The following LHPP variants were observed in gnomAD, a reference collection of about 807,000 sequenced individuals.
LHPP encodes hLHPP.
Under a neutral mutation model 30.3 loss-of-function variants are expected in LHPP, and 24 were observed. That is an observed-to-expected ratio of 0.79 (90% CI 0.57 to 1.11). The LOEUF (loss-of-function observed/expected upper bound fraction) is 1.11. Among genes scored for constraint, LHPP ranks in the 50% most tolerant of loss-of-function variants. LHPP has a pLI of 0.00. For missense variants in LHPP, 356 were observed against 367.2 expected, an observed-to-expected ratio of 0.97 and a Z score of 0.25; for synonymous variants, 150 against 157.1, an observed-to-expected ratio of 0.95 and a Z score of 0.34.
At chr10:124,487,908 G>A (rs1387257669) in intron 2 of LHPP, among the ~76,000 whole-genome samples, 1 of 152,224 alleles carries the variant, frequency 6.6e-6, no homozygotes, top group Admixed American at 6.5e-5. Context: ...AGGAGGAAGA[G>A]AGTTTCCTAA....
chr10:124,505,518 C>G (rs1380652421), intron 5 of LHPP, among the ~76,000 whole-genome samples: 1 of 152,174 alleles, frequency 6.6e-6, no homozygotes, highest in African/African-American at 2.4e-5. Context: ...TCATTTTAAC[C>G]TTTCCTCAGT....
rs1954667762 is a variant in LHPP, at chr10:124,523,852, T to C, written c.716+6581T>C. ...CAGGGAAGGGCACCGGGAACAGGCC[T>C]GTGGAAAAATCCACTGTGCAATGAG... On this transcript the variant is annotated intron_variant, in intron 6 of 6. Transcript: ENST00000368842. The surrounding 1 kb of genome is among the most constrained non-coding windows in gnomAD (Gnocchi z 4.2). Among the ~76,000 whole-genome samples, 1 of 152,180 alleles carries C rather than the reference T, an allele frequency of 6.6e-6. No homozygotes were observed. The highest frequency in any genetic ancestry group is 1.5e-5 in the Non-Finnish European group (1 of 68,026).
At chr10:124,545,848 G>T (rs561877468) in intron 6 of LHPP, 2 of 152,362 alleles carry the variant, frequency 1.3e-5, no homozygotes, top group South Asian at 4.1e-4. Flanking sequence ...GGGAAGTTCA[G>T]TTGGGGGGAA....
chr10:124,489,467 T>C (rs1564784005), intron 3 of LHPP, among the ~76,000 whole-genome samples: 1 of 152,192 alleles, frequency 6.6e-6, no homozygotes, highest in Non-Finnish European at 1.5e-5. Context: ...TATATATATA[T>C]TTTTTAAGAC....
At chr10:124,490,564 C>G (rs890364834) in intron 3 of LHPP, 1 of 319,900 alleles carries the variant, frequency 3.1e-6, no homozygotes, top group South Asian at 3.1e-5. Flanking sequence ...TCTGGTTCTT[C>G]TTAGGCATCA....
Position 124,568,732 on chromosome 10 carries a change from T to C in LHPP, c.717-44532T>C, listed in dbSNP as rs374346966. Among the ~76,000 whole-genome samples the C allele has an allele frequency of 4.7e-4, 72 of 152,338 alleles. 1 individual carries two copies. The South Asian group carries it at 0.014, about 29-fold the overall frequency. On this transcript the variant is annotated intron_variant, in intron 6 of 6. Transcript: ENST00000368842. ...TCATCCTAGACCTGTGAGAGGAGACTGTTGTCCCCAGGGCAGTGAGGAGGA... is the reference window on the plus strand; with the variant it reads ...TCATCCTAGACCTGTGAGAGGAGACCGTTGTCCCCAGGGCAGTGAGGAGGA...
intron 3 of LHPP, among the ~76,000 whole-genome samples, chr10:124,491,491 C>T (rs1157419681): frequency 6.6e-6 from 1 of 152,160 alleles, no homozygotes; most frequent in East Asian, 1.9e-4. Context: ...GTTGTTGAAG[C>T]CACAGGAGAT....
At chr10:124,555,429 G>A (rs1436358969) in intron 6 of LHPP, among the ~76,000 whole-genome samples, 1 of 152,194 alleles carries the variant, frequency 6.6e-6, no homozygotes, top group Non-Finnish European at 1.5e-5. Context: ...CTCCCCACTT[G>A]TCCAAAGCCC....
chr10:124,519,813 C>T (rs1379056700), intron 6 of LHPP, among the ~76,000 whole-genome samples: 1 of 145,048 alleles, frequency 6.9e-6, no homozygotes, highest in Non-Finnish European at 1.5e-5. Context: ...GTATATGTAC[C>T]ACATTTTTTT....
intron 3 of LHPP, chr10:124,490,241 A>G: frequency 5.5e-6 from 1 of 181,980 alleles, no homozygotes; most frequent in Non-Finnish European, 1.1e-5. Flanking sequence ...TGGGTCTTGC[A>G]GGTCGGTCAC....
intron 6 of LHPP, among the ~76,000 whole-genome samples, chr10:124,524,336 G>A (rs1039890690): frequency 2.7e-5 from 4 of 147,246 alleles, no homozygotes; most frequent in African/African-American, 2.5e-5. Flanking sequence ...GAGTGCAGTA[G>A]CATGATCTTG....
At chr10:124,490,741 G>T (rs940015037) in intron 3 of LHPP, among the ~76,000 whole-genome samples, 7 of 152,198 alleles carry the variant, frequency 4.6e-5, no homozygotes, top group Non-Finnish European at 1.0e-4. Flanking sequence ...GTTACAGAAC[G>T]AGTATTTTTG....
At position 124,490,306 on chromosome 10, in the gene LHPP, T is replaced by TAGCAGACACGCTCTCCAGGGGC. The variant is rs1953481625; in HGVS notation, c.467+1734_467+1755dup. ...GTCTCCAGACCGCTGTGGCATGGGG[T>TAGCAGACACGCTCTCCAGGGGC]AGCAGACACGCTCTCCAGGGGCAGA... is the stretch of plus-strand genomic sequence containing the variant. On this transcript the variant is annotated intron_variant, in intron 3 of 6. Transcript: ENST00000368842. 3 of 233,528 alleles carry TAGCAGACACGCTCTCCAGGGGC rather than the reference T, an allele frequency of 1.3e-5. No individual in the cohort carries two copies. In the South Asian group the frequency reaches 1.5e-4, roughly 12 times the overall value. 14.5% of individuals were successfully genotyped at this position (233,528 alleles called of 1,614,324 possible). A position where few individuals can be genotyped will look rare whatever the true frequency, so the allele number is the denominator to read the frequency against.
intron 6 of LHPP, among the ~76,000 whole-genome samples, chr10:124,595,040 T>C (rs144601948): frequency 2.0e-4 from 30 of 152,342 alleles, no homozygotes; most frequent in African/African-American, 7.2e-4. Flanking sequence ...CTCAGGTATG[T>C]CTTCATTAGC....
At chr10:124,534,198 C>T (rs185324527) in intron 6 of LHPP, among the ~76,000 whole-genome samples, 19 of 152,384 alleles carry the variant, frequency 1.2e-4, no homozygotes, top group Admixed American at 3.3e-4. Flanking sequence ...GCAGAGAAGA[C>T]GCCCTGCATG....
chr10:124,601,266 C>T (rs28597995), intron 6 of LHPP, among the ~76,000 whole-genome samples: 19,236 of 152,198 alleles, frequency 0.13, 1,507 homozygotes, highest in Non-Finnish European at 0.17. Flanking sequence ...AAGCAGCTGC[C>T]GCGTCACACG....
chr10:124,473,380 A>G (rs1425192141), intron 1 of LHPP, among the ~76,000 whole-genome samples: 1 of 152,184 alleles, frequency 6.6e-6, no homozygotes, highest in African/African-American at 2.4e-5. Flanking sequence ...ACTTATTCAG[A>G]CACCTTTTGA....
intron 5 of LHPP, among the ~76,000 whole-genome samples, chr10:124,515,401 A>G (rs1263417399): frequency 1.3e-5 from 2 of 152,200 alleles, no homozygotes; most frequent in Non-Finnish European, 2.9e-5. Flanking sequence ...AAATACCATT[A>G]CAAGGGCTGA....
intron 6 of LHPP, among the ~76,000 whole-genome samples, chr10:124,564,411 C>T (rs1473314217): frequency 6.6e-6 from 1 of 151,928 alleles, no homozygotes; most frequent in Non-Finnish European, 1.5e-5. Flanking sequence ...GCGTGAGCCA[C>T]CGCGCCCGGC....
Sources: gnomAD v4.1 joint callset for allele counts (sites outside exome capture counted in the v4.1 genomes callset) on GRCh38, gnomAD v4.1.1 for gene constraint, Gnocchi (gnomAD v3.1) non-coding constraint, MANE v1.5 for transcripts, NCBI Gene and HGNC (gene_info 2026-07-23, HGNC 2026-07-21) for gene names.